Variants in LRRC4C observed in about 807,000 individuals in gnomAD.
The protein encoded by LRRC4C is leucine-rich repeat-containing protein 4C.
A neutral mutation model predicts 33.6 loss-of-function variants in LRRC4C; 5 were observed. The ratio of observed to expected loss-of-function variants is 0.15; its 90% confidence interval spans 0.08 to 0.31. LRRC4C has a LOEUF of 0.31. LRRC4C is among the 10% of genes least tolerant of loss of function. The pLI, the probability that LRRC4C is intolerant of heterozygous loss-of-function variation, is 1.00. For missense variants in LRRC4C, 560 were observed against 796.7 expected (o/e 0.70, Z 3.58); for synonymous variants, 329 against 302.0 (o/e 1.09, Z -0.93).
At chr11:40,761,350 C>G (rs1949200965) in intron 2 of LRRC4C, among the ~76,000 whole-genome samples, 5 of 152,122 alleles carry the variant, frequency 3.3e-5, no homozygotes, top group Admixed American at 3.3e-4. Context: ...ACTTGGCACA[C>G]AGCCTGAAAC....
chr11:41,258,834 A>G (rs1450463424), intron 1 of LRRC4C, among the ~76,000 whole-genome samples: 1 of 152,010 alleles, frequency 6.6e-6, no homozygotes, highest in Non-Finnish European at 1.5e-5. Flanking sequence ...ATATTAGACA[A>G]TGTCTGCCTT....
intron 1 of LRRC4C, among the ~76,000 whole-genome samples, chr11:41,451,899 T>C (rs1188208185): frequency 6.6e-6 from 1 of 152,042 alleles, no homozygotes; most frequent in Admixed American, 6.6e-5. Flanking sequence ...CTTGTATGTA[T>C]CTGTATTCAG....
rs765364281 is a variant in LRRC4C, at chr11:41,161,902, G to A, written c.-495-228179C>T. ...AACACCTCTAGGTGGTTTCACCAATGGGACATTAATACAGAAAAAATATAT... is the reference window on the plus strand; with the variant it reads ...AACACCTCTAGGTGGTTTCACCAATAGGACATTAATACAGAAAAAATATAT... On this transcript the variant is annotated intron_variant, in intron 1 of 6. Transcript: ENST00000528697. Among the ~76,000 whole-genome samples the A allele has an allele frequency of 9.9e-5, 15 of 152,248 alleles. No homozygotes were observed. The East Asian group carries it at 2.1e-3, about 22-fold the overall frequency.
intron 6 of LRRC4C, among the ~76,000 whole-genome samples, chr11:40,127,923 C>T (rs1856373291): frequency 6.6e-6 from 1 of 152,150 alleles, no homozygotes; most frequent in Admixed American, 6.5e-5. Context: ...GGCTCATGTC[C>T]ATGCTGCAGA....
At chr11:41,455,323 AG>A (rs1260488563) in intron 1 of LRRC4C, among the ~76,000 whole-genome samples, 1 of 152,008 alleles carries the variant, frequency 6.6e-6, no homozygotes, top group Non-Finnish European at 1.5e-5. Flanking sequence ...GGGGAAGTCA[AG>A]TTTTTCTTAC....
chr11:41,321,904 G>A lies in LRRC4C; in HGVS notation c.-496+137527C>T, dbSNP rs149331808. ...TTCCAGATGGAATTTTATTCTTGTC[G>A]CCTGGGCTGGAGTGCAATGGCGTGA... On this transcript the variant is annotated intron_variant, in intron 1 of 6. Transcript: ENST00000528697. Among the ~76,000 whole-genome samples, 543 of 151,406 alleles carry A rather than the reference G, an allele frequency of 3.6e-3. 5 individuals are homozygous for A. The highest frequency in any genetic ancestry group is 0.013 in the African/African-American group (518 of 41,234).
At chr11:40,423,602 C>G (rs1402334208) in intron 3 of LRRC4C, among the ~76,000 whole-genome samples, 1 of 152,040 alleles carries the variant, frequency 6.6e-6, no homozygotes, top group Admixed American at 6.6e-5. Flanking sequence ...CCTCGGCCTC[C>G]CAAAGTGCTG....
chr11:40,130,575 A>T (rs1856579041), intron 6 of LRRC4C, among the ~76,000 whole-genome samples: 1 of 152,122 alleles, frequency 6.6e-6, no homozygotes. Context: ...ATTAAGCCTA[A>T]ATCCCTTACT....
intron 1 of LRRC4C, among the ~76,000 whole-genome samples, chr11:41,383,583 G>T (rs1565629727): frequency 6.6e-6 from 1 of 151,742 alleles, no homozygotes; most frequent in Non-Finnish European, 1.5e-5. Context: ...ATCAACACTT[G>T]TATTAACAGA....
At chr11:41,244,177 C>T (rs1948361088) in intron 1 of LRRC4C, among the ~76,000 whole-genome samples, 1 of 150,512 alleles carries the variant, frequency 6.6e-6, no homozygotes, top group Non-Finnish European at 1.5e-5. Context: ...TTTTCTCTAT[C>T]TATCTATCTA....
intron 5 of LRRC4C, among the ~76,000 whole-genome samples, chr11:40,187,114 A>G (rs1649606651): frequency 6.6e-6 from 1 of 152,164 alleles, no homozygotes; most frequent in Non-Finnish European, 1.5e-5. Context: ...AAAAAATAAA[A>G]TAGAATAAAT....
intron 1 of LRRC4C, among the ~76,000 whole-genome samples, chr11:41,215,466 T>A (rs1416945621): frequency 7.4e-6 from 1 of 135,170 alleles, no homozygotes; most frequent in Non-Finnish European, 1.5e-5. Context: ...CCAGCCTGGG[T>A]GACAGAGTGC....
intron 2 of LRRC4C, among the ~76,000 whole-genome samples, chr11:40,784,990 G>A: frequency 6.6e-6 from 1 of 152,140 alleles, no homozygotes; most frequent in East Asian, 1.9e-4. Context: ...CCGACAGAAA[G>A]AGAACATTTT....
chr11:40,383,235 TATATC>T (rs146232030), intron 3 of LRRC4C, among the ~76,000 whole-genome samples: 53,470 of 151,630 alleles, frequency 0.35, 10,056 homozygotes, highest in East Asian at 0.5. Context: ...TGTATATTTA[TATATC>T]ATATTTTCTT....
chr11:40,979,762 T>G (rs1852375119), intron 1 of LRRC4C, among the ~76,000 whole-genome samples: 1 of 152,214 alleles, frequency 6.6e-6, no homozygotes, highest in South Asian at 2.1e-4. Flanking sequence ...GTGTTTCACC[T>G]AATGAAACAT....
chr11:40,480,883 A>AAT (rs1347633705), intron 3 of LRRC4C, among the ~76,000 whole-genome samples: 2 of 152,130 alleles, frequency 1.3e-5, no homozygotes, highest in East Asian at 3.9e-4. Context: ...TAAAAAGGCA[A>AAT]ACTCATAGAA....
intron 1 of LRRC4C, among the ~76,000 whole-genome samples, chr11:41,445,411 C>A (rs935117448): frequency 1.3e-5 from 2 of 152,174 alleles, no homozygotes; most frequent in African/African-American, 2.4e-5. Flanking sequence ...AATGCCCCCC[C>A]ACCCACGTGA....
At chr11:40,722,957 A>C (rs1204173935) in intron 2 of LRRC4C, among the ~76,000 whole-genome samples, 1 of 152,320 alleles carries the variant, frequency 6.6e-6, no homozygotes, top group Non-Finnish European at 1.5e-5. Context: ...TTCAAAATAC[A>C]TTTGGAAGCC....
chr11:40,851,440 T>C (rs1286456506), intron 2 of LRRC4C, among the ~76,000 whole-genome samples: 1 of 152,142 alleles, frequency 6.6e-6, no homozygotes, highest in African/African-American at 2.4e-5. Flanking sequence ...CCCACCCTGC[T>C]TCTGCTTACC....
Sources: allele counts gnomAD v4.1 joint callset (sites outside exome capture counted in the v4.1 genomes callset), GRCh38; gene constraint gnomAD v4.1.1; transcripts MANE v1.5; gene names NCBI Gene and HGNC (gene_info 2026-07-23, HGNC 2026-07-21).